Variants in CCDC171 observed in about 807,000 individuals in gnomAD.
CCDC171 encodes coiled-coil domain-containing protein 171.
CCDC171 carries 177 observed loss-of-function variants against 168.2 expected under a neutral mutation model. The ratio of observed to expected loss-of-function variants is 1.05; its 90% CI spans 0.93 to 1.19. CCDC171 has a LOEUF of 1.19. Among genes scored for constraint, CCDC171 ranks in the 50% most tolerant of loss-of-function variants. The pLI, the probability that CCDC171 is intolerant of heterozygous loss-of-function variation, is 0.00. For synonymous variants in CCDC171, 687 were observed against 540.8 expected (o/e 1.27, Z -3.75); for missense variants, 1,991 against 1,539.0 (o/e 1.29, Z -4.91).
intron 24 of CCDC171, among the ~76,000 whole-genome samples, chr9:15,904,638 A>G (rs1166158554): frequency 1.3e-5 from 2 of 152,200 alleles, no homozygotes; most frequent in Non-Finnish European, 2.9e-5. Flanking sequence ...ACCAGCTAAC[A>G]TCATAATGTC....
At chr9:15,953,938 C>A (rs567465911) in intron 25 of CCDC171, among the ~76,000 whole-genome samples, 2 of 151,902 alleles carry the variant, frequency 1.3e-5, no homozygotes, top group Non-Finnish European at 2.9e-5. Flanking sequence ...TCTGTTTCAT[C>A]GAGGGCATTC....
chr9:15,761,526 C>T lies in CCDC171; in HGVS notation c.2671+15895C>T, dbSNP rs528617391. The stretch of plus-strand genomic sequence containing the variant: ...TGATACAAATGCATAATCTCAGACT[C>T]CACTCCAGACCTAATGTGCATTTTA... On this transcript the variant is annotated intron_variant, in intron 18 of 25. Coordinates refer to ENST00000380701, the MANE Select transcript of CCDC171 (RefSeq NM_173550.4). Among the ~76,000 whole-genome samples, 8 of 152,264 alleles carry T rather than the reference C, an allele frequency of 5.3e-5. No individual in the cohort carries two copies. In the East Asian group the frequency reaches 1.5e-3, roughly 29 times the overall value.
downstream of CCDC171, among the ~76,000 whole-genome samples, chr9:16,066,358 G>C (rs914763818): frequency 2.0e-5 from 3 of 152,062 alleles, no homozygotes; most frequent in African/African-American, 7.2e-5. Context: ...TGTCACAGAA[G>C]TATAGATAAA....
intron 10 of CCDC171, among the ~76,000 whole-genome samples, chr9:15,680,218 A>T (rs2049947005): frequency 6.6e-6 from 1 of 152,182 alleles, no homozygotes; most frequent in Non-Finnish European, 1.5e-5. Context: ...CATTTGTTCG[A>T]TGGATTTATT....
At chr9:16,003,463 G>A (rs1401764788) in intron 3 of CCDC171, among the ~76,000 whole-genome samples, 2 of 152,166 alleles carry the variant, frequency 1.3e-5, no homozygotes, top group African/African-American at 4.8e-5. Context: ...AAAGGGATGG[G>A]AAAGTGTCAA....
chr9:16,070,378 G>C, the CCDC171 span, among the ~76,000 whole-genome samples: 2 of 152,240 alleles, frequency 1.3e-5, no homozygotes, highest in African/African-American at 4.8e-5. Context: ...TGCTGGGAAG[G>C]AAGGAATCAT....
chr9:15,784,158 C>T lies in CCDC171; in HGVS notation c.3082-351C>T, dbSNP rs534834086. 3.7e-4 allele frequency among the ~76,000 whole-genome samples: 56 copies of T among 152,242 alleles called. No individual in the cohort carries two copies. The South Asian group carries it at 4.8e-3, about 13-fold the overall frequency. On this transcript the variant is annotated intron_variant, in intron 20 of 25. Coordinates refer to ENST00000380701, the MANE Select transcript of CCDC171 (RefSeq NM_173550.4). ...CTGAACACAAACTTCTAGGTGATCA[C>T]TTAAAAGCCAAGGAATTTGTTAAAG...
Position 15,972,388 on chromosome 9 carries a change from A to T in CCDC171, c.*552A>T, listed in dbSNP as rs746393502. The T allele has an allele frequency of 6.5e-6, 1 of 154,008 alleles. No individual in the cohort carries two copies. Among genetic ancestry groups the T allele is most frequent in the African/African-American group, 2.4e-5 (1 of 41,454 alleles). 9.5% of individuals were successfully genotyped at this position (154,008 alleles called of 1,614,324 possible). On this transcript the variant is annotated 3_prime_UTR_variant, in exon 26 of 26. Transcript: ENST00000380701. The stretch of plus-strand genomic sequence containing the variant: ...TGACTGCTTCTCCTCCTGCACAATA[A>T]TGTCACTCCTGGTCAATGTGAGAAG...
intron 6 of CCDC171, among the ~76,000 whole-genome samples, chr9:15,613,672 G>T (rs539695529): frequency 1.5e-4 from 23 of 151,758 alleles, no homozygotes; most frequent in African/African-American, 5.3e-4. Flanking sequence ...ACAGGCATGC[G>T]CCACCATGCC....
At chr9:15,657,547 G>A (rs139374491) in intron 8 of CCDC171, among the ~76,000 whole-genome samples, 4 of 152,310 alleles carry the variant, frequency 2.6e-5, no homozygotes, top group African/African-American at 9.6e-5. Flanking sequence ...GCAGATTGGA[G>A]TGTTCTTTTA....
intron 24 of CCDC171, among the ~76,000 whole-genome samples, chr9:15,904,350 G>A (rs1822186540): frequency 6.6e-6 from 1 of 152,198 alleles, no homozygotes; most frequent in Non-Finnish European, 1.5e-5. Flanking sequence ...CTACAAGCCA[G>A]AAGACAGTGG....
At chr9:15,749,688 A>G (rs955879801) in intron 18 of CCDC171, among the ~76,000 whole-genome samples, 1 of 152,260 alleles carries the variant, frequency 6.6e-6, no homozygotes, top group Non-Finnish European at 1.5e-5. Flanking sequence ...CCGCTCAACT[A>G]CATGGAAACT....
chr9:15,563,984 A>G lies in CCDC171; in HGVS notation c.-105A>G, dbSNP rs2039522415. ...TCATTTACTATTTTAACAGACCTCA[A>G]ATCATCTAACGTGAAGCCACAGACA... On this transcript the variant is annotated 5_prime_UTR_variant, in exon 2 of 26. Coordinates refer to ENST00000380701, the MANE Select transcript of CCDC171 (RefSeq NM_173550.4). 1.6e-5 allele frequency: 13 copies of G among 816,528 alleles called. No homozygotes were observed. Among genetic ancestry groups the G allele is most frequent in the South Asian group, 1.1e-4 (7 of 65,986 alleles). The allele number at this position is 816,528 out of a possible 1,614,324, so 50.6% of individuals were successfully genotyped here.
chr9:15,559,269 T>C (rs909503669), intron 1 of CCDC171, among the ~76,000 whole-genome samples: 1 of 152,140 alleles, frequency 6.6e-6, no homozygotes, highest in Non-Finnish European at 1.5e-5. Context: ...CAGAGCTGAG[T>C]TCAATTCCTG....
chr9:16,007,531 T>G (rs13294074), intron 3 of CCDC171, among the ~76,000 whole-genome samples: 3 of 152,130 alleles, frequency 2.0e-5, no homozygotes, highest in East Asian at 1.9e-4. Context: ...GAATGGTATT[T>G]CATAGGTTTT....
rs756523893 is a variant in CCDC171, at chr9:15,920,351, C to T, written c.3682C>T (p.Arg1228Ter). 18 of 1,608,956 alleles carry T rather than the reference C, an allele frequency of 1.1e-5. No homozygotes were observed. The highest frequency in any genetic ancestry group is 5.0e-5 in the Admixed American group (3 of 59,684). The change falls in exon 25 of 26, where the codon CGA (arginine) becomes TGA (stop). Residue 1228 changes from arginine to a stop codon, truncating the protein, a stop_gained. Transcript: ENST00000380701. LOFTEE classifies it high-confidence loss of function. Reference protein sequence around the residue: ...MTLEKEMTSHRSHIAALKSEL... With the variant: ...MTLEKEMTSH ...ATTAGAGAAGGAAATGACATCTCATCGAAGTCACATTGCAGCCTTGAAATC... is the reference window on the plus strand; with the variant it reads ...ATTAGAGAAGGAAATGACATCTCATTGAAGTCACATTGCAGCCTTGAAATC...
At chr9:16,079,698 T>G in the CCDC171 span, among the ~76,000 whole-genome samples, 1 of 152,240 alleles carries the variant, frequency 6.6e-6, no homozygotes, top group Non-Finnish European at 1.5e-5. Context: ...ATAATTCTAT[T>G]GTTCAAGCCA....
At chr9:16,058,263 C>T (rs1833874605) in intron 1 of CCDC171, among the ~76,000 whole-genome samples, 1 of 152,066 alleles carries the variant, frequency 6.6e-6, no homozygotes, top group Admixed American at 6.5e-5. Flanking sequence ...CTGACTCAGG[C>T]CCCATTCATC....
chr9:15,734,740 T>A (rs1241957198), intron 16 of CCDC171, among the ~76,000 whole-genome samples: 1 of 152,202 alleles, frequency 6.6e-6, no homozygotes, highest in East Asian at 1.9e-4. Context: ...TAATTCTATA[T>A]CTTTTACCAC....
Sources: gnomAD v4.1 joint callset for allele counts (sites outside exome capture counted in the v4.1 genomes callset) on GRCh38, gnomAD v4.1.1 for gene constraint, MANE v1.5 for transcripts, NCBI Gene and HGNC (gene_info 2026-07-23, HGNC 2026-07-21) for gene names.